Variants in KRT35 observed in about 807,000 individuals in gnomAD.
KRT35 encodes the protein keratin 35.
Under a neutral mutation model 42.2 loss-of-function variants are expected in KRT35, and 33 were observed. The observed-to-expected ratio is 0.78, with a 90% CI of 0.59 to 1.05. KRT35 has a LOEUF of 1.05. Ranked by LOEUF, KRT35 falls within the 50% of genes least tolerant of loss-of-function variation. The pLI, the probability that KRT35 is intolerant of heterozygous loss-of-function variation, is 0.00. For missense variants in KRT35, 585 were observed against 589.2 expected (o/e 0.99, Z 0.07); for synonymous variants, 218 against 238.2 (o/e 0.92, Z 0.78).
At position 41,478,280 on chromosome 17, in the gene KRT35, G is replaced by A. The variant is rs2019206407; in HGVS notation, c.999+81C>T. On this transcript the variant is annotated intron_variant, in intron 5 of 6. Coordinates refer to ENST00000246639, the MANE Select transcript of KRT35 (RefSeq NM_002280.6). ...ACATGGACCCCTGGAGTCCGCCTGT[G>A]TGGTCAAAGCATGGAAGCTGGGGAG... 2.6e-6 allele frequency: 4 copies of A among 1,510,714 alleles called. 1 individual carries two copies. The South Asian group carries it at 4.9e-5, about 19-fold the overall frequency. 93.6% of individuals were successfully genotyped at this position (1,510,714 alleles called of 1,614,324 possible).
intron 4 of KRT35, 92 bp from the exon 5 acceptor site, chr17:41,478,578 G>A (rs2019212587): frequency 6.8e-7 from 1 of 1,463,072 alleles, no homozygotes; most frequent in Non-Finnish European, 9.3e-7. Context: ...AGCCAAGAAA[G>A]ACATTCCCGA....
Position 41,478,987 on chromosome 17 carries a change from G to A in KRT35, c.720C>T (p.Asn240=), listed in dbSNP as rs2019217956. The part of the protein sequence containing the change: ...CLKKNHEEEV[N]SLRCQLGDRL... ...GGTCACCAAGTTGGCAGCGCAGTGA[G>A]TTCACTTCCTATAGCACAGACCAGG... is the stretch of plus-strand genomic sequence containing the variant. The change falls in exon 4 of 7, where the codon AAC becomes AAT. Residue 240 remains asparagine, a synonymous_variant. Coordinates refer to ENST00000246639, the MANE Select transcript of KRT35 (RefSeq NM_002280.6). 2.5e-6 allele frequency: 4 copies of A among 1,612,774 alleles called. No homozygotes were observed. In the South Asian group the frequency reaches 4.4e-5, roughly 18 times the overall value.
At position 41,480,825 on chromosome 17, in the gene KRT35, G is replaced by A. The variant is rs375272934; in HGVS notation, c.273C>T (p.Gly91=). 59 of 1,614,064 alleles carry A rather than the reference G, an allele frequency of 3.7e-5. No individual in the cohort carries two copies. The highest frequency in any genetic ancestry group is 4.2e-5 in the Non-Finnish European group (50 of 1,180,020). The change falls in exon 1 of 7, where the codon GGC becomes GGT. Residue 91 remains glycine, a synonymous_variant. Coordinates refer to ENST00000246639, the MANE Select transcript of KRT35 (RefSeq NM_002280.6). ...YSGGGGWFGE[G]ILTGNEKETM... is the part of the protein sequence containing the mutation. ...TCTCCTTCTCATTGCCAGTGAGGATGCCCTCCCCAAACCAGCCCCCACCCC... is the reference window on the plus strand; with the variant it reads ...TCTCCTTCTCATTGCCAGTGAGGATACCCTCCCCAAACCAGCCCCCACCCC...
chr17:41,479,648 C>A (rs770388458), intron 2 of KRT35, 51 bp downstream of exon 2: 3 of 1,584,914 alleles, frequency 1.9e-6, no homozygotes, highest in Non-Finnish European at 2.6e-6. Flanking sequence ...CAGGCATCAC[C>A]TGTGTCCAGT....
In KRT35 at chr17:41,479,777, A is replaced by AG; in HGVS notation, c.475dup (p.Leu159ProfsTer6). 5 of 1,612,992 alleles carry AG rather than the reference A, an allele frequency of 3.1e-6. No homozygotes were observed. The highest frequency in any genetic ancestry group is 4.2e-6 in the Non-Finnish European group (5 of 1,178,958). ...CCTGGCATTCTCAGCCTTGCTGCAT[A>AG]GAGTCTGGAGATATGAAGAAGTTAT... is the stretch of plus-strand genomic sequence containing the variant. On this transcript the variant is annotated frameshift_variant, in exon 2 of 7. Transcript: ENST00000246639. LOFTEE classifies it high-confidence loss of function.
Position 41,477,155 on chromosome 17 carries a change from G to A in KRT35, c.1269C>T (p.Cys423=), listed in dbSNP as rs1261187098. ...AGGAGGCCGCAGGAAGACAGGGAAG[G>A]CATGACTTGGAGGGTGAGTAGTCAG... ...CAPDYSPSKS[C]LPCLPAASCG... Residue 423 remains cysteine, a synonymous_variant, in exon 7 of 7, where the codon TGC becomes TGT. Transcript: ENST00000246639. The A allele has an allele frequency of 6.2e-7, 1 of 1,613,796 alleles. No homozygotes were observed. Among genetic ancestry groups the A allele is most frequent in the Non-Finnish European group, 8.5e-7 (1 of 1,179,802 alleles).
chr17:41,479,331 T>C lies in KRT35; in HGVS notation c.711+16A>G, dbSNP rs184478394. ...CTCACCTGCTGTGCCGTGTTCACCT[T>C]TTCCCCCATGCTCACCTCCTCATGG... On this transcript the variant is annotated intron_variant, in intron 3 of 6. Coordinates refer to ENST00000246639, the MANE Select transcript of KRT35 (RefSeq NM_002280.6). 5.7e-4 allele frequency: 918 copies of C among 1,611,792 alleles called. No individual in the cohort carries two copies. The highest frequency in any genetic ancestry group is 7.4e-4 in the Non-Finnish European group (869 of 1,179,028).
chr17:41,476,933 C>T lies in KRT35; in HGVS notation c.*123G>A. The T allele has an allele frequency of 2.0e-6, 2 of 1,003,802 alleles. No homozygotes were observed. Among genetic ancestry groups the T allele is most frequent in the South Asian group, 1.9e-5 (1 of 53,204 alleles). 62.2% of individuals were successfully genotyped at this position (1,003,802 alleles called of 1,614,324 possible). A position where few individuals can be genotyped will look rare whatever the true frequency, so the allele number is the denominator to read the frequency against. On this transcript the variant is annotated 3_prime_UTR_variant, in exon 7 of 7. Coordinates refer to ENST00000246639, the MANE Select transcript of KRT35 (RefSeq NM_002280.6). ...GGCATGTATTTGCAGAAAGCCTTTT[C>T]AGCCAGACCCTGGGCCTGGGCTCTG...
intron 2 of KRT35, 66 bp downstream of exon 2, chr17:41,479,633 G>A (rs1470919725): frequency 1.3e-6 from 2 of 1,570,946 alleles, no homozygotes; most frequent in Non-Finnish European, 1.7e-6. Flanking sequence ...CCAAAACCCT[G>A]AGCTCAGGCA....
intron 5 of KRT35, among the ~76,000 whole-genome samples, chr17:41,477,981 G>A (rs1307820603): frequency 6.6e-6 from 1 of 152,236 alleles, no homozygotes; most frequent in African/African-American, 2.4e-5. Flanking sequence ...GAGAATCAGA[G>A]TTTGAGCTAG....
At position 41,480,677 on chromosome 17, in the gene KRT35, A is replaced by T. The variant is rs1359849905; in HGVS notation, c.421T>A (p.Cys141Ser). 6.2e-7 allele frequency: 1 copy of T among 1,614,200 alleles called. No homozygotes were observed. Among genetic ancestry groups the T allele is most frequent in the Non-Finnish European group, 8.5e-7 (1 of 1,180,034 alleles). ...EWCEQQVPYMCPDYQSYFRTI... is the reference protein window; with the variant it reads ...EWCEQQVPYMSPDYQSYFRTI... ...CGGAAGTAGGACTGGTAGTCAGGGC[A>T]CATGTAGGGGACCTGCTGCTCACAC... The change falls in exon 1 of 7, where the codon TGC becomes AGC. Residue 141 changes from cysteine to serine, a missense_variant. Transcript: ENST00000246639.
At chr17:41,479,186 C>T (rs1316580939) in intron 3 of KRT35, among the ~76,000 whole-genome samples, 161 bp downstream of exon 3, 1 of 150,484 alleles carries the variant, frequency 6.6e-6, no homozygotes, top group Middle Eastern at 3.4e-3. Flanking sequence ...TCTATGCTCA[C>T]CTGCTCCCCA....
rs754337552 is a variant in KRT35, at chr17:41,477,059, G to C, written c.1365C>G (p.Phe455Leu). 1.3e-6 allele frequency: 2 copies of C among 1,564,200 alleles called. No homozygotes were observed. Among genetic ancestry groups the C allele is most frequent in the Non-Finnish European group, 1.7e-6 (2 of 1,160,442 alleles). Reference sequence around the variant, plus strand: ...TGGCCATCTGGGTCACCCGCTCTCAGAACCGACCCCCTGGGCAGGGCACAC... The same window carrying C: ...TGGCCATCTGGGTCACCCGCTCTCACAACCGACCCCCTGGGCAGGGCACAC... Reference protein sequence around the residue: ...PICVPCPGGRF With the variant: ...PICVPCPGGRL The change falls in exon 7 of 7, where the codon TTC (phenylalanine) becomes TTG (leucine). Residue 455 changes from phenylalanine (F) to leucine (L), a missense_variant. Phe to Leu is a conservative substitution (Grantham distance 22, BLOSUM62 0). Transcript: ENST00000246639.
In KRT35 at chr17:41,480,651, C is replaced by G. The variant is rs368387676; in HGVS notation, c.447G>C (p.Arg149=). 6 of 1,614,026 alleles carry G rather than the reference C, an allele frequency of 3.7e-6. No homozygotes were observed. Among genetic ancestry groups the G allele is most frequent in the Non-Finnish European group, 5.1e-6 (6 of 1,179,940 alleles). Residue 149 remains arginine (R), a synonymous_variant, in exon 1 of 7, where the codon CGG becomes CGC. Transcript: ENST00000246639. ...YMCPDYQSYF[R]TIEELQKKTL... is the part of the protein sequence containing the mutation. ...CCTTCTTCTGGAGCTCCTCGATGGT[C>G]CGGAAGTAGGACTGGTAGTCAGGGC...
At chr17:41,477,796 G>A in intron 5 of KRT35, 58 bp from the exon 6 acceptor site, 1 of 1,551,246 alleles carries the variant, frequency 6.4e-7, no homozygotes, top group Admixed American at 1.8e-5. Flanking sequence ...GAAGGAGCAA[G>A]GAAGGAATCT....
At position 41,479,456 on chromosome 17, in the gene KRT35, T is replaced by C. The variant is rs1278367546; in HGVS notation, c.602A>G (p.Asn201Ser). 8 of 1,614,088 alleles carry C rather than the reference T, an allele frequency of 5.0e-6. No homozygotes were observed. In the African/African-American group the frequency reaches 5.3e-5, roughly 11 times the overall value. The change falls in exon 3 of 7, where the codon AAC becomes AGC. Residue 201 changes from asparagine (N) to serine (S), a missense_variant. By Grantham distance (46) the Asn-to-Ser change is conservative. Transcript: ENST00000246639. Reference protein sequence around the residue: ...SLRQLVESDINGLRRILDDLT... With the variant: ...SLRQLVESDISGLRRILDDLT... Reference sequence around the variant, plus strand: ...GTCATCCAGGATCCTGCGCAGGCCGTTGATGTCTGACTCCACCAGCTGCCG... The same window carrying C: ...GTCATCCAGGATCCTGCGCAGGCCGCTGATGTCTGACTCCACCAGCTGCCG...
In KRT35 at chr17:41,478,865, C is replaced by A. The variant is rs199804026; in HGVS notation, c.842G>T (p.Arg281Leu). Residue 281 changes from arginine to leucine, a missense_variant, in exon 4 of 7, where the codon CGC becomes CTC. Physicochemically the swap from Arg to Leu is moderately radical, Grantham distance 102 (BLOSUM62 -2). Coordinates refer to ENST00000246639, the MANE Select transcript of KRT35 (RefSeq NM_002280.6). ...GTCCAACCAGTCTTCAGCATCCCGG[C>A]GGTTATTCTCCACCAGGGTTTCATA... The part of the protein sequence containing the change: ...CQYETLVENN[R>L]RDAEDWLDTQ... The A allele has an allele frequency of 1.9e-6, 3 of 1,613,888 alleles. No homozygotes were observed. Among genetic ancestry groups the A allele is most frequent in the Admixed American group, 1.7e-5 (1 of 59,992 alleles).
intron 5 of KRT35, 151 bp downstream of exon 5, chr17:41,478,210 C>A: frequency 1.3e-6 from 1 of 757,906 alleles, no homozygotes. Flanking sequence ...TGGAGCTGGT[C>A]CCTCATTCCC....
At chr17:41,478,021 G>A (rs1223109931) in intron 5 of KRT35, among the ~76,000 whole-genome samples, 1 of 152,260 alleles carries the variant, frequency 6.6e-6, no homozygotes, top group African/African-American at 2.4e-5. Context: ...TCTCACTTGA[G>A]ATGAGCTAAT....
Sources: gnomAD v4.1 joint callset for allele counts (sites outside exome capture counted in the v4.1 genomes callset) on GRCh38, gnomAD v4.1.1 for gene constraint, MANE v1.5 for transcripts, NCBI Gene and HGNC (gene_info 2026-07-23, HGNC 2026-07-21) for gene names.